The following NIPBL variants were observed in gnomAD, a reference collection of about 807,000 sequenced individuals.
The protein encoded by NIPBL is NIPBL cohesin loading factor, also known as nipped-B-like protein.
A neutral mutation model predicts 321.8 loss-of-function variants in NIPBL; 19 were observed. The observed-to-expected ratio is 0.06, with a 90% CI of 0.04 to 0.09. The LOEUF (loss-of-function observed/expected upper bound fraction) is 0.09. NIPBL is among the 10% of genes least tolerant of loss of function. The pLI, the probability that NIPBL is intolerant of heterozygous loss-of-function variation, is 1.00. For synonymous variants in NIPBL, 1,106 were observed against 1,114.1 expected, an observed-to-expected ratio of 0.99 and a Z score of 0.14; for missense variants, 2,210 against 3,327.0, an observed-to-expected ratio of 0.66 and a Z score of 8.26.
intron 45 of NIPBL, 30 bp downstream of exon 45, chr5:37,061,048 C>G: frequency 2.5e-6 from 4 of 1,575,372 alleles, no homozygotes; most frequent in Non-Finnish European, 2.6e-6. Context: ...GTTTTTACTT[C>G]TCATAAGGGC....
At chr5:36,900,998 A>G (rs1038317830) in intron 1 of NIPBL, among the ~76,000 whole-genome samples, 1 of 151,842 alleles carries the variant, frequency 6.6e-6, no homozygotes, top group Non-Finnish European at 1.5e-5. Context: ...GGTTTGTTAC[A>G]TGGGTAAATT....
intron 1 of NIPBL, among the ~76,000 whole-genome samples, chr5:36,949,523 A>G (rs1472871650): frequency 6.6e-6 from 1 of 151,924 alleles, no homozygotes; most frequent in South Asian, 2.1e-4. Context: ...AATTTATTAC[A>G]TAGTAAGTGC....
intron 1 of NIPBL, among the ~76,000 whole-genome samples, chr5:36,895,099 C>G (rs1746634384): frequency 6.6e-6 from 1 of 152,152 alleles, no homozygotes; most frequent in South Asian, 2.1e-4. Flanking sequence ...CTTTCTAGTT[C>G]CAGAGCATTT....
chr5:37,010,884 C>T (rs1748041111), intron 21 of NIPBL, among the ~76,000 whole-genome samples: 1 of 151,982 alleles, frequency 6.6e-6, no homozygotes, highest in African/African-American at 2.4e-5. Context: ...TATCCCTGAT[C>T]CAAAAATCTA....
In NIPBL at chr5:37,059,173, T is replaced by C. The variant is rs1328930227; in HGVS notation, c.7685+8T>C. 1 of 1,613,944 alleles carries C rather than the reference T, an allele frequency of 6.2e-7. No homozygotes were observed. Among genetic ancestry groups the C allele is most frequent in the South Asian group, 1.1e-5 (1 of 91,018 alleles). On this transcript the variant is annotated splice_region_variant and intron_variant, in intron 44 of 46. Transcript: ENST00000282516. ...TTGTGGATTTTCTGATAGGTAAGGTTACATAAGCAGTGAGAGAAAAAACTT... is the reference window on the plus strand; with the variant it reads ...TTGTGGATTTTCTGATAGGTAAGGTCACATAAGCAGTGAGAGAAAAAACTT...
chr5:36,899,180 CAG>C (rs2149532311), intron 1 of NIPBL, among the ~76,000 whole-genome samples: 1 of 152,134 alleles, frequency 6.6e-6, no homozygotes, highest in African/African-American at 2.4e-5. Flanking sequence ...CAAATAGACT[CAG>C]TGAAAGAGAC....
intron 1 of NIPBL, among the ~76,000 whole-genome samples, chr5:36,945,952 T>G (rs1739620164): frequency 6.6e-6 from 1 of 152,154 alleles, no homozygotes; most frequent in Non-Finnish European, 1.5e-5. Context: ...CCACATAGAT[T>G]TATTTATTTA....
Position 37,008,627 on chromosome 5 carries a change from T to G in NIPBL, c.4325T>G (p.Phe1442Cys). The change falls in exon 20 of 47, where the codon TTC (phenylalanine) becomes TGC (cysteine). Residue 1442 changes from phenylalanine to cysteine, a missense_variant. Physicochemically the swap from Phe to Cys is radical, Grantham distance 205. This residue lies in a region of NIPBL where 381 missense variants were observed against 642.3 expected (regional missense o/e 0.59). Coordinates refer to ENST00000282516, the MANE Select transcript of NIPBL (RefSeq NM_133433.4). ...AATCTTATAATTACTAAACAGGTAT[T>G]CTCAAGATATGAAAAACATAGGCAG... ...LCAIKLVTAV[F>C]SRYEKHRQLI... The G allele has an allele frequency of 1.4e-6, 2 of 1,457,354 alleles. No homozygotes were observed. Among genetic ancestry groups the G allele is most frequent in the Non-Finnish European group, 1.9e-6 (2 of 1,037,620 alleles). 90.3% of individuals were successfully genotyped at this position (1,457,354 alleles called of 1,614,324 possible).
At chr5:36,976,526 AT>A in intron 9 of NIPBL, 124 bp downstream of exon 9, 1 of 888,784 alleles carries the variant, frequency 1.1e-6, no homozygotes, top group Non-Finnish European at 1.7e-6. Context: ...TCAAGTACAT[AT>A]TTTTATTACT....
chr5:36,901,808 C>G (rs1747250767), intron 1 of NIPBL, among the ~76,000 whole-genome samples: 1 of 152,084 alleles, frequency 6.6e-6, no homozygotes, highest in South Asian at 2.1e-4. Context: ...TGCACCCAGC[C>G]CTAAGTTCTT....
Position 36,985,612 on chromosome 5 carries a change from C to A in NIPBL, c.2432C>A (p.Ser811Tyr). Residue 811 changes from serine (S) to tyrosine (Y), a missense_variant, in exon 10 of 47, where the codon TCT becomes TAT. Physicochemically the swap from Ser to Tyr is moderately radical, Grantham distance 144. This residue lies in a region of NIPBL where 588 missense variants were observed against 564.1 expected (regional missense o/e 1.04). Transcript: ENST00000282516. ...CAGAGACCTGATGGGCGATCTGTTTCTGAGTCACTAAGACGTGACCATGAT... is the reference window on the plus strand; with the variant it reads ...CAGAGACCTGATGGGCGATCTGTTTATGAGTCACTAAGACGTGACCATGAT... ...LKQRPDGRSV[S>Y]ESLRRDHDNK... 1 of 1,613,912 alleles carries A rather than the reference C, an allele frequency of 6.2e-7. No homozygotes were observed. Among genetic ancestry groups the A allele is most frequent in the South Asian group, 1.1e-5 (1 of 91,076 alleles).
At chr5:37,023,411 A>G (rs1749876497) in intron 29 of NIPBL, among the ~76,000 whole-genome samples, 1 of 152,182 alleles carries the variant, frequency 6.6e-6, no homozygotes, top group Admixed American at 6.5e-5. Context: ...ACTCTTTAAT[A>G]TGAAAGTTTG....
intron 10 of NIPBL, among the ~76,000 whole-genome samples, chr5:36,990,066 C>T (rs555394962): frequency 6.6e-6 from 1 of 151,958 alleles, no homozygotes; most frequent in Non-Finnish European, 1.5e-5. Context: ...ATTGTGTGGA[C>T]TCAGTGCTTT....
At chr5:36,924,699 C>T (rs1749215646) in intron 1 of NIPBL, among the ~76,000 whole-genome samples, 1 of 152,160 alleles carries the variant, frequency 6.6e-6, no homozygotes, top group Non-Finnish European at 1.5e-5. Context: ...ATGTACATAG[C>T]TGACACTAAC....
intron 44 of NIPBL, among the ~76,000 whole-genome samples, chr5:37,059,848 ATAAAG>A (rs1422851955): frequency 3.9e-5 from 6 of 152,212 alleles, no homozygotes; most frequent in Non-Finnish European, 7.3e-5. Context: ...AAAGTACTCT[ATAAAG>A]TAAGAGAGAG....
chr5:37,012,413 G>A (rs1430095194), intron 21 of NIPBL, among the ~76,000 whole-genome samples: 1 of 146,320 alleles, frequency 6.8e-6, no homozygotes, highest in Non-Finnish European at 1.5e-5. Context: ...ATTTCCTTAG[G>A]TGGAGAGAGT....
chr5:36,999,758 G>C (rs555677352), intron 11 of NIPBL, among the ~76,000 whole-genome samples: 5 of 152,180 alleles, frequency 3.3e-5, no homozygotes, highest in Non-Finnish European at 7.4e-5. Context: ...CAAGACTTTT[G>C]TTGAAGAACT....
intron 1 of NIPBL, among the ~76,000 whole-genome samples, chr5:36,926,425 G>A (rs139451325): frequency 3.9e-5 from 6 of 152,252 alleles, no homozygotes; most frequent in Admixed American, 1.3e-4. Flanking sequence ...TATAAGTGCC[G>A]CCTTGGTAGA....
chr5:37,046,553 T>C (rs1259882109), intron 38 of NIPBL, among the ~76,000 whole-genome samples: 2 of 152,248 alleles, frequency 1.3e-5, no homozygotes, highest in African/African-American at 4.8e-5. Context: ...TTTGCATTTT[T>C]TTAATTGTTC....
Sources: allele counts gnomAD v4.1 joint callset (sites outside exome capture counted in the v4.1 genomes callset), GRCh38; gene constraint gnomAD v4.1.1; regional missense constraint gnomAD v4.1.1; transcripts MANE v1.5; gene names NCBI Gene and HGNC (gene_info 2026-07-23, HGNC 2026-07-21).